The following PCDH11X variants were observed in gnomAD, a reference collection of about 807,000 sequenced individuals.
PCDH11X encodes the protein protocadherin 11 X-linked, also known as protocadherin-11 X-linked.
In PCDH11X, 18 loss-of-function variants were observed where a neutral mutation model predicts 53.3. That is an observed-to-expected ratio of 0.34 (90% CI 0.23 to 0.50). PCDH11X has a LOEUF of 0.50. Ranked by LOEUF, PCDH11X falls within the 20% of genes least tolerant of loss-of-function variation. The pLI is 0.98. For missense variants in PCDH11X, 570 were observed against 1,032.4 expected (o/e 0.55, Z 6.14); for synonymous variants, 279 against 393.3 (o/e 0.71, Z 3.44).
intron 8 of PCDH11X, among the ~76,000 whole-genome samples, chrX:92,268,436 T>C (rs75036682): frequency 0.092 from 10,180 of 110,612 alleles, 702 homozygotes; most frequent in East Asian, 0.23. Context: ...GGATTACAGA[T>C]ATGTGCCACC....
chrX:92,243,720 T>A, intron 7 of PCDH11X, among the ~76,000 whole-genome samples: 1 of 111,583 alleles, frequency 9.0e-6, no homozygotes, highest in Admixed American at 9.6e-5. Context: ...AACCAGATTT[T>A]GTTACAGCAT....
rs368274408 is a variant in PCDH11X, at chrX:92,459,760, G to A, written c.3344-8539G>A. 55 of 1,150,225 alleles carry A rather than the reference G, an allele frequency of 4.8e-5. No homozygotes were observed. In the East Asian group the frequency reaches 6.3e-4, roughly 13 times the overall value. The allele number at this position is 1,150,225 out of a possible 1,213,427, so 94.8% of individuals were successfully genotyped here. A position where few individuals can be genotyped will look rare whatever the true frequency, so the allele number is the denominator to read the frequency against. ...CTACGGCGCCCGGCCGGTCAGCAGCGCGGCCAGCGTCTATGCAGGCGCCGG... is the reference window on the plus strand; with the variant it reads ...CTACGGCGCCCGGCCGGTCAGCAGCACGGCCAGCGTCTATGCAGGCGCCGG... On this transcript the variant is annotated intron_variant, in intron 9 of 10. Transcript: ENST00000682573.
At chrX:92,016,880 T>A (rs1460896855) in intron 6 of PCDH11X, among the ~76,000 whole-genome samples, 1 of 109,356 alleles carries the variant, frequency 9.1e-6, no homozygotes, top group Non-Finnish European at 1.9e-5. Context: ...TCTTGGCTTT[T>A]GGTATGCTTT....
At chrX:92,505,073 A>T (rs1465002809) in intron 10 of PCDH11X, among the ~76,000 whole-genome samples, 11 of 106,563 alleles carry the variant, frequency 1.0e-4, no homozygotes, top group Non-Finnish European at 1.7e-4. Context: ...TGTTGGATGT[A>T]TCATTTGAAT....
chrX:92,085,765 G>A (rs766710050), intron 6 of PCDH11X, among the ~76,000 whole-genome samples: 13 of 111,248 alleles, frequency 1.2e-4, no homozygotes, highest in African/African-American at 3.3e-4. Flanking sequence ...ATATCACAGA[G>A]CTGGAACTTC....
intron 7 of PCDH11X, among the ~76,000 whole-genome samples, chrX:92,257,692 C>A (rs1001998828): frequency 8.9e-6 from 1 of 112,699 alleles, no homozygotes; most frequent in African/African-American, 3.2e-5. Flanking sequence ...CCAAAATAAT[C>A]TCCTTTGGCT....
At chrX:92,184,971 C>T (rs1357892526) in intron 6 of PCDH11X, among the ~76,000 whole-genome samples, 1 of 111,698 alleles carries the variant, frequency 9.0e-6, no homozygotes, top group Non-Finnish European at 1.9e-5. Context: ...TAAGCTTTCT[C>T]CCAGATAACT....
chrX:92,451,261 AT>A (rs1313261931), intron 9 of PCDH11X, among the ~76,000 whole-genome samples: 1 of 111,357 alleles, frequency 9.0e-6, no homozygotes, highest in South Asian at 3.8e-4. Flanking sequence ...CATTTGCATA[AT>A]TTTTTTAAAT....
At chrX:92,054,820 C>CAAAAAAAAAA (rs1174448342) in intron 6 of PCDH11X, among the ~76,000 whole-genome samples, 121 of 25,009 alleles carry the variant, frequency 4.8e-3, no homozygotes, top group Non-Finnish European at 7.6e-3. Context: ...AACTCTGTCT[C>CAAAAAAAAAA]AAAAAAAAAA....
chrX:91,857,005 T>C (rs1374497988), intron 5 of PCDH11X, among the ~76,000 whole-genome samples: 1 of 111,317 alleles, frequency 9.0e-6, no homozygotes, highest in East Asian at 2.8e-4. Flanking sequence ...TTTCTGGTCC[T>C]AGGTTATATT....
At chrX:92,054,969 T>A (rs1161360685) in intron 6 of PCDH11X, among the ~76,000 whole-genome samples, 1 of 86,183 alleles carries the variant, frequency 1.2e-5, no homozygotes, top group African/African-American at 4.3e-5. Flanking sequence ...ACTATAAATA[T>A]ATACTTTAGA....
chrX:91,977,892 C>A (rs1444632964), intron 6 of PCDH11X, among the ~76,000 whole-genome samples: 2 of 111,435 alleles, frequency 1.8e-5, no homozygotes, highest in Non-Finnish European at 3.8e-5. Context: ...GATTTTTAAA[C>A]CTTCCTTAGA....
intron 8 of PCDH11X, among the ~76,000 whole-genome samples, chrX:92,339,596 C>A (rs1266968506): frequency 9.1e-6 from 1 of 110,284 alleles, no homozygotes; most frequent in African/African-American, 3.3e-5. Context: ...CATCACATGG[C>A]CAGAGCAGGA....
At position 92,341,947 on chromosome X, in the gene PCDH11X, G is replaced by A. The variant is rs1253283865; in HGVS notation, c.3145-45788G>A. Among the ~76,000 whole-genome samples, 4 of 111,800 alleles carry A rather than the reference G, an allele frequency of 3.6e-5. No individual in the cohort carries two copies. In the East Asian group the frequency reaches 1.1e-3, roughly 32 times the overall value. ...TATTCACAAACACAAATCCAACAAT[G>A]GAGTAATATCCAGAATCTCTAAGGA... On this transcript the variant is annotated intron_variant, in intron 8 of 10. Coordinates refer to ENST00000682573, the MANE Select transcript of PCDH11X (RefSeq NM_032968.5).
intron 6 of PCDH11X, among the ~76,000 whole-genome samples, chrX:92,105,671 C>T (rs1164853227): frequency 9.9e-6 from 1 of 100,626 alleles, no homozygotes; most frequent in Non-Finnish European, 2.0e-5. Context: ...GAGTGGGGGT[C>T]GCAAGGTGCT....
chrX:92,261,456 T>C (rs2067713094), intron 7 of PCDH11X, among the ~76,000 whole-genome samples: 1 of 111,932 alleles, frequency 8.9e-6, no homozygotes, highest in Admixed American at 9.5e-5. Context: ...GCTTAAATGT[T>C]GGTTAAGTCA....
At chrX:92,037,372 C>T (rs771136800) in intron 6 of PCDH11X, among the ~76,000 whole-genome samples, 1 of 111,235 alleles carries the variant, frequency 9.0e-6, no homozygotes, top group Admixed American at 9.6e-5. Flanking sequence ...ATCCATGTCC[C>T]TGCAAAGGAC....
intron 10 of PCDH11X, among the ~76,000 whole-genome samples, chrX:92,541,504 G>A (rs1276879695): frequency 9.0e-6 from 1 of 111,232 alleles, no homozygotes; most frequent in Non-Finnish European, 1.9e-5. Flanking sequence ...TTTAAACCAT[G>A]TACTGTGATT....
At chrX:92,320,228 A>G (rs948667055) in intron 8 of PCDH11X, among the ~76,000 whole-genome samples, 1 of 111,592 alleles carries the variant, frequency 9.0e-6, no homozygotes, top group African/African-American at 3.3e-5. Flanking sequence ...AATAAAATAT[A>G]TTAGCAATCA....
Sources: allele counts gnomAD v4.1 joint callset (sites outside exome capture counted in the v4.1 genomes callset), GRCh38; gene constraint gnomAD v4.1.1; transcripts MANE v1.5; gene names NCBI Gene and HGNC (gene_info 2026-07-23, HGNC 2026-07-21).